Variants in CACNG2 observed in about 807,000 individuals in gnomAD.
CACNG2 encodes calcium voltage-gated channel auxiliary subunit gamma 2.
Under a neutral mutation model 25.9 loss-of-function variants are expected in CACNG2, and 3 were observed. That is an observed-to-expected ratio of 0.12 (90% CI 0.05 to 0.30). CACNG2 has a LOEUF of 0.30. Among genes scored for constraint, CACNG2 ranks in the 10% least tolerant of loss-of-function variants. The probability of loss-of-function intolerance (pLI) is 1.00; values close to 1 mark genes in which losing one functional copy is unlikely to be tolerated. For synonymous variants in CACNG2, 167 were observed against 173.3 expected, an observed-to-expected ratio of 0.96 and a Z score of 0.29; for missense variants, 341 against 432.5, an observed-to-expected ratio of 0.79 and a Z score of 1.88.
chr22:36,679,193 CCTTCCTTTCTTTCTTTCTTT>C (rs1252802436), intron 1 of CACNG2, among the ~76,000 whole-genome samples: 85 of 49,256 alleles, frequency 1.7e-3, no homozygotes, highest in African/African-American at 6.9e-3. Flanking sequence ...TTCCTTCCTT[CCTTCCTTTCTTTCTTTCTTT>C]CTTTCTTTCT....
Position 36,703,291 on chromosome 22 carries a change from C to T in CACNG2, c.-715G>A. 1 of 150,504 alleles carries T rather than the reference C, an allele frequency of 6.6e-6. No individual in the cohort carries two copies. Among genetic ancestry groups the T allele is most frequent in the Non-Finnish European group, 1.4e-5 (1 of 71,498 alleles). 9.3% of individuals were successfully genotyped at this position (150,504 alleles called of 1,614,324 possible). A position where few individuals can be genotyped will look rare whatever the true frequency, so the allele number is the denominator to read the frequency against. On this transcript the variant is annotated 5_prime_UTR_variant, in exon 1 of 4. Transcript: ENST00000300105. ...GGGCGGGCAGGCGCGGCGGCGGCGG[C>T]GGCAGCAGGACGAGCAGCGGCGGCG... is the stretch of plus-strand genomic sequence containing the variant.
rs1200384421 is a variant in CACNG2 at position 36,561,371 on chromosome 22, G to A, written c.*2980C>T. 1 of 152,306 alleles carries A rather than the reference G, an allele frequency of 6.6e-6. No individual in the cohort carries two copies. The highest frequency in any genetic ancestry group is 1.5e-5 in the Non-Finnish European group (1 of 68,142). The allele number at this position is 152,306 out of a possible 1,614,324, so 9.4% of individuals were successfully genotyped here. ...TGGCGGGCAAGATTGGGGTGGGAGAGGGGTAGAGTTCAGTTTCTGCCCAGA... is the reference window on the plus strand; with the variant it reads ...TGGCGGGCAAGATTGGGGTGGGAGAAGGGTAGAGTTCAGTTTCTGCCCAGA... On this transcript the variant is annotated 3_prime_UTR_variant, in exon 4 of 4. Transcript: ENST00000300105.
chr22:36,608,472 T>C (rs1935877047), intron 1 of CACNG2, among the ~76,000 whole-genome samples: 1 of 152,206 alleles, frequency 6.6e-6, no homozygotes, highest in Non-Finnish European at 1.5e-5. Context: ...TCTCTCTCAG[T>C]AGATATGGGA....
intron 1 of CACNG2, among the ~76,000 whole-genome samples, chr22:36,684,621 A>AAAAAAC (rs1251019444): frequency 6.6e-6 from 1 of 151,852 alleles, no homozygotes; most frequent in Non-Finnish European, 1.5e-5. Flanking sequence ...GTCTCAAAAA[A>AAAAAAC]AAAAAAAAAA....
chr22:36,678,696 C>T (rs1937047601), intron 1 of CACNG2, among the ~76,000 whole-genome samples: 1 of 150,952 alleles, frequency 6.6e-6, no homozygotes, highest in Admixed American at 6.6e-5. Flanking sequence ...CACACCTGTT[C>T]CCCCTCCATT....
At chr22:36,658,914 C>T (rs1012817459) in intron 1 of CACNG2, among the ~76,000 whole-genome samples, 1 of 151,984 alleles carries the variant, frequency 6.6e-6, no homozygotes, top group Non-Finnish European at 1.5e-5. Context: ...GTGGGGACAG[C>T]AATGACGCTG....
At position 36,613,156 on chromosome 22, in the gene CACNG2, CTG is replaced by C. The variant is rs61572491; in HGVS notation, c.212-25610_212-25609del. 6.7e-3 allele frequency among the ~76,000 whole-genome samples: 983 copies of C among 146,144 alleles called. 3 individuals are homozygous for C. Among genetic ancestry groups the C allele is most frequent in the Non-Finnish European group, 0.011 (717 of 66,524 alleles). ...AAAAGTTCATTTCATTACAGGCTCT[CTG>C]TGTGTGTGTGTGTGTGTGTGTGTGT... On this transcript the variant is annotated intron_variant, in intron 1 of 3. Transcript: ENST00000300105.
chr22:36,628,639 T>A (rs976435284), intron 1 of CACNG2, among the ~76,000 whole-genome samples: 2 of 152,136 alleles, frequency 1.3e-5, no homozygotes, highest in Admixed American at 1.3e-4. Context: ...ATATAATAAA[T>A]GTCCTCAGCT....
chr22:36,618,925 AAAAAAC>A (rs1010288616), intron 1 of CACNG2, among the ~76,000 whole-genome samples: 38 of 75,630 alleles, frequency 5.0e-4, no homozygotes, highest in African/African-American at 1.4e-3. Flanking sequence ...TTCAAAAAAC[AAAAAAC>A]AAAAAACAAA....
chr22:36,581,437 T>C (rs568215838), intron 2 of CACNG2, among the ~76,000 whole-genome samples: 4 of 152,298 alleles, frequency 2.6e-5, no homozygotes, highest in Non-Finnish European at 4.4e-5. Context: ...CTGGACAACA[T>C]CTTAAGCTTG....
At chr22:36,586,904 A>G (rs1226479866) in intron 2 of CACNG2, among the ~76,000 whole-genome samples, 1 of 151,556 alleles carries the variant, frequency 6.6e-6, no homozygotes, top group African/African-American at 2.4e-5. Context: ...CAGCTGTTAC[A>G]TCAGGATTTA....
intron 1 of CACNG2, among the ~76,000 whole-genome samples, chr22:36,604,642 C>CA (rs1308405184): frequency 6.6e-6 from 1 of 152,126 alleles, no homozygotes; most frequent in Non-Finnish European, 1.5e-5. Flanking sequence ...CCTCCATCAG[C>CA]AAAAAGATGA....
In CACNG2 at chr22:36,564,363, G is replaced by T; in HGVS notation, c.960C>A (p.Thr320=). Residue 320 remains threonine (T), a synonymous_variant, in exon 4 of 4, where the codon ACC becomes ACA. Coordinates refer to ENST00000300105, the MANE Select transcript of CACNG2 (RefSeq NM_006078.5). The surrounding 1 kb of genome is among the most constrained non-coding windows in gnomAD (Gnocchi z 6.7). ...SLHSNTANRR[T]TPV is the part of the protein sequence containing the mutation. ...AGGCCCGCGGTCTTTATACGGGGGT[G>T]GTCCGGCGGTTGGCTGTGTTGGAGT... The T allele has an allele frequency of 6.2e-7, 1 of 1,613,640 alleles. No homozygotes were observed. The highest frequency in any genetic ancestry group is 8.5e-7 in the Non-Finnish European group (1 of 1,179,794).
chr22:36,581,948 C>T (rs535476212), intron 2 of CACNG2, among the ~76,000 whole-genome samples: 45 of 152,338 alleles, frequency 3.0e-4, no homozygotes, highest in African/African-American at 7.9e-4. Context: ...CCCATGGGCA[C>T]GGCCCCTTGG....
intron 1 of CACNG2, among the ~76,000 whole-genome samples, chr22:36,668,287 C>T (rs1426837789): frequency 6.6e-6 from 1 of 152,224 alleles, no homozygotes; most frequent in African/African-American, 2.4e-5. Context: ...ATGTACCTCC[C>T]CATCTCTATT....
chr22:36,608,644 G>A (rs991469569), intron 1 of CACNG2, among the ~76,000 whole-genome samples: 1 of 151,982 alleles, frequency 6.6e-6, no homozygotes, highest in Non-Finnish European at 1.5e-5. Context: ...TAGGGACTCA[G>A]GACTGATGCT....
At chr22:36,591,513 T>C (rs181204585) in intron 1 of CACNG2, among the ~76,000 whole-genome samples, 61 of 151,592 alleles carry the variant, frequency 4.0e-4, no homozygotes, top group African/African-American at 1.2e-3. Context: ...CTACAAAAAA[T>C]AAAAACAAAT....
rs576873711 is a variant in CACNG2, at chr22:36,617,050, G to T, written c.212-29502C>A. Among the ~76,000 whole-genome samples the T allele has an allele frequency of 1.5e-4, 23 of 152,198 alleles. No individual in the cohort carries two copies. The South Asian group carries it at 4.8e-3, about 32-fold the overall frequency. ...CTGGGCTCCTGGAGATGTGTAACTG[G>T]GATGTAACCTAGTTTGGGTTTTCAA... On this transcript the variant is annotated intron_variant, in intron 1 of 3. Coordinates refer to ENST00000300105, the MANE Select transcript of CACNG2 (RefSeq NM_006078.5).
At chr22:36,590,415 C>G (rs1935571801) in intron 1 of CACNG2, among the ~76,000 whole-genome samples, 1 of 152,162 alleles carries the variant, frequency 6.6e-6, no homozygotes, top group Non-Finnish European at 1.5e-5. Flanking sequence ...TCTGGAGGCC[C>G]CAGTTAGCTT....
Sources: gnomAD v4.1 joint callset for allele counts (sites outside exome capture counted in the v4.1 genomes callset) on GRCh38, gnomAD v4.1.1 for gene constraint, Gnocchi (gnomAD v3.1) non-coding constraint, MANE v1.5 for transcripts, NCBI Gene and HGNC (gene_info 2026-07-23, HGNC 2026-07-21) for gene names.